The following ZNF461 variants were observed in gnomAD, a reference collection of about 807,000 sequenced individuals.
ZNF461 encodes the protein gonadotropin-inducible ovarian transcription factor-1.
In ZNF461, 16 loss-of-function variants were observed where a neutral mutation model predicts 18.3. That is an observed-to-expected ratio of 0.88 (90% CI 0.59 to 1.33). The LOEUF (loss-of-function observed/expected upper bound fraction) is 1.33. Among genes scored for constraint, ZNF461 ranks in the 40% most tolerant of loss-of-function variants. The probability of loss-of-function intolerance (pLI) is 0.00; values close to 1 mark genes in which losing one functional copy is unlikely to be tolerated. For synonymous variants in ZNF461, 179 were observed against 216.9 expected, an observed-to-expected ratio of 0.83 and a Z score of 1.54; for missense variants, 595 against 669.9, an observed-to-expected ratio of 0.89 and a Z score of 1.23.
In ZNF461 at chr19:36,639,867, C is replaced by T. The variant is rs2037391126; in HGVS notation, c.478G>A (p.Gly160Ser). The change falls in exon 6 of 6, where the codon GGT becomes AGT. Residue 160 changes from glycine to serine, a missense_variant. Gly to Ser is a moderately conservative substitution (Grantham distance 56). Transcript: ENST00000588268. ...TTAATCATAAGTTGTCTAAAATAACCCTCCTCTTGTCCCTGATGTTGCTCA... is the reference window on the plus strand; with the variant it reads ...TTAATCATAAGTTGTCTAAAATAACTCTCCTCTTGTCCCTGATGTTGCTCA... ...HFEQHQGQEE[G>S]YFRQLMINHE... The T allele has an allele frequency of 6.2e-7, 1 of 1,613,754 alleles. No homozygotes were observed. The highest frequency in any genetic ancestry group is 1.1e-5 in the South Asian group (1 of 91,080).
intron 5 of ZNF461, among the ~76,000 whole-genome samples, chr19:36,641,712 A>C (rs959670845): frequency 6.6e-6 from 1 of 151,974 alleles, no homozygotes; most frequent in Non-Finnish European, 1.5e-5. Context: ...ATACAAAGAT[A>C]ACAATTGACA....
chr19:36,638,078 A>C lies in ZNF461; in HGVS notation c.*575T>G, dbSNP rs761291823. On this transcript the variant is annotated 3_prime_UTR_variant, in exon 6 of 6. Transcript: ENST00000588268. The stretch of plus-strand genomic sequence containing the variant: ...GAGTTCTAGGTGAACATTAGAAACA[A>C]CTTCAATGTCTGTAGTAGGTAATGG... 5 of 212,552 alleles carry C rather than the reference A, an allele frequency of 2.4e-5. No homozygotes were observed. The highest frequency in any genetic ancestry group is 4.8e-5 in the Non-Finnish European group (5 of 104,826). The allele number at this position is 212,552 out of a possible 1,614,324, so 13.2% of individuals were successfully genotyped here.
chr19:36,643,750 A>G, intron 5 of ZNF461, 44 bp downstream of exon 5: 1 of 1,461,300 alleles, frequency 6.8e-7, no homozygotes, highest in South Asian at 1.5e-5. Context: ...TGACTTTGTT[A>G]CCAGTACTTC....
intron 4 of ZNF461, among the ~76,000 whole-genome samples, chr19:36,644,519 T>C (rs1254223092): frequency 6.6e-6 from 1 of 151,964 alleles, no homozygotes; most frequent in Non-Finnish European, 1.5e-5. Context: ...TCCTCCCGCC[T>C]TGGCCTCCCA....
chr19:36,642,841 G>A (rs978725945), intron 5 of ZNF461, among the ~76,000 whole-genome samples: 6 of 151,496 alleles, frequency 4.0e-5, no homozygotes, highest in East Asian at 1.9e-4. Context: ...TGCAACCTCC[G>A]CCTCCTGGGT....
intron 4 of ZNF461, among the ~76,000 whole-genome samples, chr19:36,644,738 G>A (rs887756051): frequency 2.3e-4 from 35 of 151,548 alleles, no homozygotes; most frequent in Non-Finnish European, 1.5e-4. Flanking sequence ...GGGATTACAG[G>A]CACATGCCAC....
intron 4 of ZNF461, among the ~76,000 whole-genome samples, chr19:36,646,644 C>T (rs3108612): frequency 0.19 from 29,522 of 151,924 alleles, 2,923 homozygotes; most frequent in Middle Eastern, 0.23. Context: ...AAACAGGTAC[C>T]ACAGATAAGA....
intron 4 of ZNF461, 80 bp downstream of exon 4, chr19:36,656,368 G>A (rs1436221171): frequency 3.4e-6 from 4 of 1,178,442 alleles, no homozygotes; most frequent in Non-Finnish European, 5.1e-6. Flanking sequence ...CCAAAGTTTG[G>A]TTTAAAATAA....
intron 2 of ZNF461, among the ~76,000 whole-genome samples, chr19:36,663,251 G>A (rs944780821): frequency 2.0e-5 from 3 of 152,110 alleles, no homozygotes; most frequent in African/African-American, 7.2e-5. Context: ...CTGTCCTAAA[G>A]CAATTCTCCC....
In ZNF461 at chr19:36,649,626, CGGCCTGAGCCACCACGCCT is replaced by C. The variant is rs910414243; in HGVS notation, c.233-5783_233-5765del. Among the ~76,000 whole-genome samples the C allele has an allele frequency of 4.6e-5, 7 of 152,028 alleles. No individual in the cohort carries two copies. In the South Asian group the frequency reaches 1.2e-3, roughly 27 times the overall value. The stretch of plus-strand genomic sequence containing the variant: ...GATTACAGGTGTGAGCCACTGCGCC[CGGCCTGAGCCACCACGCCT>C]GGCTGAAACAGTGTACTGTAAACTT... On this transcript the variant is annotated intron_variant, in intron 4 of 5. Transcript: ENST00000588268.
rs2037381303 is a variant in ZNF461 at position 36,639,579 on chromosome 19, C to G, written c.766G>C (p.Val256Leu). ...AGATGTTTAAGTTGTGAGCAATGAA[C>G]AAAGGCCTTCCAACATTCTTTACAC... ...NECKECWKAF[V>L]HCSQLKHLRI... Residue 256 changes from valine (V) to leucine (L), a missense_variant, in exon 6 of 6, where the codon GTT (valine) becomes CTT (leucine). By Grantham distance (32) the Val-to-Leu change is conservative (BLOSUM62 1). Transcript: ENST00000588268. 6.2e-7 allele frequency: 1 copy of G among 1,612,820 alleles called. No homozygotes were observed. Among genetic ancestry groups the G allele is most frequent in the African/African-American group, 1.3e-5 (1 of 74,892 alleles).
At chr19:36,640,675 G>C (rs1294900599) in intron 5 of ZNF461, among the ~76,000 whole-genome samples, 1 of 152,142 alleles carries the variant, frequency 6.6e-6, no homozygotes, top group Non-Finnish European at 1.5e-5. Flanking sequence ...AAAGCTGATG[G>C]CAATATTGAT....
chr19:36,646,291 C>T (rs772965959), intron 4 of ZNF461, among the ~76,000 whole-genome samples: 14 of 152,024 alleles, frequency 9.2e-5, no homozygotes, highest in South Asian at 2.1e-4. Flanking sequence ...CCACCACGCC[C>T]GGCTAATTTT....
rs770881795 is a variant in ZNF461, at chr19:36,639,401, T to G, written c.944A>C (p.Gln315Pro). Reference protein sequence around the residue: ...ECGKAFRQRSQLTQHQRLHTG... With the variant: ...ECGKAFRQRSPLTQHQRLHTG... ...ATGAAGTCTCTGATGTTGAGTAAGC[T>G]GTGATCGCTGTCTAAAGGCCTTCCC... The change falls in exon 6 of 6, where the codon CAG becomes CCG. Residue 315 changes from glutamine to proline, a missense_variant. Coordinates refer to ENST00000588268, the MANE Select transcript of ZNF461 (RefSeq NM_153257.5). 6.2e-7 allele frequency: 1 copy of G among 1,613,840 alleles called. No homozygotes were observed. The highest frequency in any genetic ancestry group is 8.5e-7 in the Non-Finnish European group (1 of 1,179,920).
intron 4 of ZNF461, among the ~76,000 whole-genome samples, chr19:36,650,214 C>A (rs866301299): frequency 1.3e-5 from 2 of 151,878 alleles, no homozygotes; most frequent in Non-Finnish European, 2.9e-5. Context: ...ATCCATGAGT[C>A]AAAGAGGGAG....
chr19:36,662,498 G>A (rs1001979319), intron 2 of ZNF461, among the ~76,000 whole-genome samples: 5 of 151,482 alleles, frequency 3.3e-5, no homozygotes, highest in South Asian at 2.1e-4. Context: ...CTCGTGATCC[G>A]CCCGCCTCAG....
chr19:36,657,073 G>C (rs1273467306), intron 3 of ZNF461, among the ~76,000 whole-genome samples: 1 of 151,658 alleles, frequency 6.6e-6, no homozygotes, highest in Non-Finnish European at 1.5e-5. Flanking sequence ...ACTTGCCTCA[G>C]CGTCCCAAAG....
intron 2 of ZNF461, among the ~76,000 whole-genome samples, chr19:36,661,766 C>G (rs2037822452): frequency 6.6e-6 from 1 of 152,074 alleles, no homozygotes; most frequent in Non-Finnish European, 1.5e-5. Context: ...GATGGAAACT[C>G]AGATCACAGG....
intron 4 of ZNF461, among the ~76,000 whole-genome samples, chr19:36,652,342 A>T (rs1253674270): frequency 6.6e-6 from 1 of 151,234 alleles, no homozygotes; most frequent in Non-Finnish European, 1.5e-5. Context: ...AAAAAAAAAA[A>T]ATACAAAAAT....
Sources: allele counts gnomAD v4.1 joint callset (sites outside exome capture counted in the v4.1 genomes callset), GRCh38; gene constraint gnomAD v4.1.1; transcripts MANE v1.5; gene names NCBI Gene and HGNC (gene_info 2026-07-23, HGNC 2026-07-21).